The following SORCS3 variants were observed in gnomAD, a reference collection of about 807,000 sequenced individuals.
SORCS3 encodes the protein VPS10 domain-containing receptor SorCS3.
In SORCS3, 57 loss-of-function variants were observed where a neutral mutation model predicts 146.3. That is an observed-to-expected ratio of 0.39 (90% CI 0.31 to 0.49). The LOEUF is 0.49. SORCS3 is among the 20% of genes least tolerant of loss of function. The pLI is 0.92. For synonymous variants in SORCS3, 653 were observed against 618.5 expected (o/e 1.06, Z -0.83); for missense variants, 1,341 against 1,575.5 (o/e 0.85, Z 2.52).
chr10:105,147,714 G>T lies in SORCS3; in HGVS notation c.1400G>T (p.Arg467Leu), dbSNP rs147155519. The change falls in exon 9 of 27, where the codon CGT (arginine) becomes CTT (leucine). Residue 467 changes from arginine to leucine, a missense_variant. Physicochemically the swap from Arg to Leu is moderately radical, Grantham distance 102. Coordinates refer to ENST00000369701, the MANE Select transcript of SORCS3 (RefSeq NM_014978.3). ...TACAACCTCTACATCTCAGACACGC[G>T]TGGGATTTACTTCACTCTGGCCATG... Reference protein sequence around the residue: ...DTYNLYISDTRGIYFTLAMEN... With the variant: ...DTYNLYISDTLGIYFTLAMEN... 3.1e-6 allele frequency: 5 copies of T among 1,613,008 alleles called. No individual in the cohort carries two copies. The African/African-American group carries it at 6.7e-5, about 22-fold the overall frequency.
chr10:105,038,518 A>G (rs1176128417), intron 4 of SORCS3, among the ~76,000 whole-genome samples: 1 of 152,218 alleles, frequency 6.6e-6, no homozygotes, highest in African/African-American at 2.4e-5. Context: ...AAATATACAC[A>G]TGGTAATTAG....
chr10:105,007,391 A>T (rs926531277), intron 4 of SORCS3, among the ~76,000 whole-genome samples: 49 of 152,218 alleles, frequency 3.2e-4, no homozygotes, highest in African/African-American at 1.1e-3. Flanking sequence ...CAGGCAGTGC[A>T]CCAAACCTTT....
intron 3 of SORCS3, among the ~76,000 whole-genome samples, chr10:104,927,802 C>T (rs906092562): frequency 3.3e-5 from 5 of 151,300 alleles, no homozygotes; most frequent in East Asian, 2.0e-4. Context: ...CGCTTGAACC[C>T]GGGAGGTGGA....
At chr10:104,826,844 T>C (rs1051175283) in intron 1 of SORCS3, among the ~76,000 whole-genome samples, 2 of 152,218 alleles carry the variant, frequency 1.3e-5, no homozygotes, top group East Asian at 3.8e-4. Flanking sequence ...GAAGTCAATC[T>C]TCTCAAGCCC....
chr10:105,176,139 A>G (rs1475390257), intron 13 of SORCS3, among the ~76,000 whole-genome samples: 1 of 152,132 alleles, frequency 6.6e-6, no homozygotes, highest in Non-Finnish European at 1.5e-5. Context: ...ATTCCTTATT[A>G]TTTCATTCAT....
At chr10:105,042,222 C>T (rs1418333871) in intron 4 of SORCS3, among the ~76,000 whole-genome samples, 1 of 152,164 alleles carries the variant, frequency 6.6e-6, no homozygotes, top group Non-Finnish European at 1.5e-5. Context: ...GCAGTGAATA[C>T]AGTGGTGGCA....
chr10:104,660,429 C>T (rs1480125425), intron 1 of SORCS3, among the ~76,000 whole-genome samples: 1 of 152,136 alleles, frequency 6.6e-6, no homozygotes, highest in Non-Finnish European at 1.5e-5. Context: ...CAGAAGAAAA[C>T]AGGAAACACC....
intron 13 of SORCS3, among the ~76,000 whole-genome samples, chr10:105,175,214 A>ATTTT (rs71482448): frequency 3.0e-5 from 4 of 134,636 alleles, no homozygotes; most frequent in Non-Finnish European, 4.8e-5. Flanking sequence ...TGCTTGGCTA[A>ATTTT]TTTTTTTTTT....
intron 1 of SORCS3, among the ~76,000 whole-genome samples, chr10:104,840,424 G>T (rs1421580285): frequency 2.6e-5 from 4 of 152,010 alleles, no homozygotes; most frequent in African/African-American, 4.8e-5. Flanking sequence ...AACATTCCCC[G>T]GTTTTCCCTG....
chr10:104,696,560 A>ATT (rs1491265996), intron 1 of SORCS3, among the ~76,000 whole-genome samples: 176 of 11,640 alleles, frequency 0.015, 23 homozygotes, highest in African/African-American at 0.029. Flanking sequence ...TAGAATATAT[A>ATT]ATATACGTAT....
At chr10:105,047,547 G>A (rs913359223) in intron 5 of SORCS3, among the ~76,000 whole-genome samples, 1 of 151,976 alleles carries the variant, frequency 6.6e-6, no homozygotes, top group Admixed American at 6.6e-5. Flanking sequence ...TGAGATATTT[G>A]GATTGCAACA....
At chr10:105,050,036 T>TACAC (rs35011679) in intron 5 of SORCS3, among the ~76,000 whole-genome samples, 132 of 149,318 alleles carry the variant, frequency 8.8e-4, no homozygotes, top group Middle Eastern at 3.5e-3. Context: ...TATATATACA[T>TACAC]ACACACACAC....
At chr10:104,940,127 A>T (rs1371027995) in intron 3 of SORCS3, among the ~76,000 whole-genome samples, 1 of 147,622 alleles carries the variant, frequency 6.8e-6, no homozygotes, top group African/African-American at 2.4e-5. Flanking sequence ...TATGCTAAAC[A>T]AGGGGTGGAT....
At chr10:104,642,966 A>C (rs1298835990) in intron 1 of SORCS3, among the ~76,000 whole-genome samples, 3 of 152,112 alleles carry the variant, frequency 2.0e-5, no homozygotes, top group African/African-American at 7.2e-5. Context: ...GGCTCCCCCT[A>C]CCTCGCCGGC....
At chr10:104,729,053 A>G (rs2016676287) in intron 1 of SORCS3, among the ~76,000 whole-genome samples, 1 of 152,232 alleles carries the variant, frequency 6.6e-6, no homozygotes, top group Admixed American at 6.5e-5. Context: ...AATTATTCCT[A>G]TTTTCAAAAT....
chr10:104,674,041 C>T (rs74790093), intron 1 of SORCS3, among the ~76,000 whole-genome samples: 1,547 of 152,250 alleles, frequency 0.01, 24 homozygotes, highest in African/African-American at 0.034. Context: ...CACCTGATTA[C>T]GCTGATGTTA....
intron 4 of SORCS3, among the ~76,000 whole-genome samples, chr10:105,026,925 C>T (rs2055235768): frequency 6.6e-6 from 1 of 152,178 alleles, no homozygotes; most frequent in Admixed American, 6.5e-5. Flanking sequence ...CAAACCTCAG[C>T]ATCACACAGT....
chr10:104,981,673 T>C (rs2054932313), intron 4 of SORCS3, among the ~76,000 whole-genome samples: 1 of 152,202 alleles, frequency 6.6e-6, no homozygotes, highest in Non-Finnish European at 1.5e-5. Flanking sequence ...CAGAGCTGAA[T>C]GTTTAAACAT....
chr10:104,857,030 T>C (rs1386879253), intron 2 of SORCS3, among the ~76,000 whole-genome samples: 1 of 149,560 alleles, frequency 6.7e-6, no homozygotes, highest in African/African-American at 2.5e-5. Context: ...AGAGGATGCT[T>C]ATGCCAGGAG....
Sources: gnomAD v4.1 joint callset for allele counts (sites outside exome capture counted in the v4.1 genomes callset) on GRCh38, gnomAD v4.1.1 for gene constraint, MANE v1.5 for transcripts, NCBI Gene and HGNC (gene_info 2026-07-23, HGNC 2026-07-21) for gene names.